OSBPL3: variants seen among roughly 807,000 people sequenced by gnomAD.
OSBPL3 encodes the protein oxysterol-binding protein-related protein 3.
In OSBPL3, 65 loss-of-function variants were observed where a neutral mutation model predicts 120.1. The observed-to-expected ratio is 0.54, with a 90% CI of 0.44 to 0.67. The LOEUF (loss-of-function observed/expected upper bound fraction) is 0.67, where lower values mean the gene tolerates loss of function less well. Among genes scored for constraint, OSBPL3 ranks in the 30% least tolerant of loss-of-function variants. The pLI, the probability that OSBPL3 is intolerant of heterozygous loss-of-function variation, is 0.00. For missense variants in OSBPL3, 1,004 were observed against 1,082.1 expected (o/e 0.93, Z 1.01); for synonymous variants, 416 against 402.6 (o/e 1.03, Z -0.40).
At position 24,896,312 on chromosome 7, in the gene OSBPL3, C is replaced by T. The variant is rs1350777654; in HGVS notation, c.-149-3691G>A. Reference sequence around the variant, plus strand: ...TGCACTTGTGTCAGTTCAAAAATGACGTTTGTGCCTCTAAGATGAGCTTCA... The same window carrying T: ...TGCACTTGTGTCAGTTCAAAAATGATGTTTGTGCCTCTAAGATGAGCTTCA... On this transcript the variant is annotated intron_variant, in intron 1 of 22. Coordinates refer to ENST00000313367, the MANE Select transcript of OSBPL3 (RefSeq NM_015550.4). This position sits in a 1 kb window ranked among gnomAD's most constrained non-coding sequence, Gnocchi z 4.4. 3.3e-5 allele frequency among the ~76,000 whole-genome samples: 5 copies of T among 152,192 alleles called. No homozygotes were observed. Among genetic ancestry groups the T allele is most frequent in the African/African-American group, 7.2e-5 (3 of 41,440 alleles).
At chr7:24,859,295 C>T (rs1364696205) in intron 10 of OSBPL3, among the ~76,000 whole-genome samples, 2 of 151,994 alleles carry the variant, frequency 1.3e-5, no homozygotes, top group African/African-American at 2.4e-5. Context: ...ACACACTGCC[C>T]TCCCACTGAA....
At position 24,939,623 on chromosome 7, in the gene OSBPL3, C is replaced by T. The variant is rs1313293556; in HGVS notation, c.-150+40263G>A. 6.6e-6 allele frequency among the ~76,000 whole-genome samples: 1 copy of T among 152,162 alleles called. No individual in the cohort carries two copies. Among genetic ancestry groups the T allele is most frequent in the African/African-American group, 2.4e-5 (1 of 41,436 alleles). ...TGAATTAAGCAACTCTGGAACTTCC[C>T]TAATTTTAGACTTTTTAAATGTAGT... On this transcript the variant is annotated intron_variant, in intron 1 of 22. Transcript: ENST00000313367. This position sits in a 1 kb window ranked among gnomAD's most constrained non-coding sequence, Gnocchi z 4.2.
chr7:24,921,246 T>C (rs112859643), intron 1 of OSBPL3, among the ~76,000 whole-genome samples: 176 of 151,952 alleles, frequency 1.2e-3, no homozygotes, highest in African/African-American at 4.1e-3. Context: ...AATACCACGA[T>C]GTAGGCTAAA....
At chr7:24,829,764 T>G (rs1446923423) in intron 16 of OSBPL3, among the ~76,000 whole-genome samples, 1 of 152,132 alleles carries the variant, frequency 6.6e-6, no homozygotes, top group East Asian at 1.9e-4. Context: ...TTTCTGCATA[T>G]CTTAGAGGTT....
chr7:24,800,137 C>T lies in OSBPL3; in HGVS notation c.*46G>A, dbSNP rs1254936557. 9.2e-7 allele frequency: 1 copy of T among 1,084,666 alleles called. No homozygotes were observed. The highest frequency in any genetic ancestry group is 1.5e-5 in the African/African-American group (1 of 64,706). The allele number at this position is 1,084,666 out of a possible 1,614,324, so 67.2% of individuals were successfully genotyped here. On this transcript the variant is annotated 3_prime_UTR_variant, in exon 23 of 23. Coordinates refer to ENST00000313367, the MANE Select transcript of OSBPL3 (RefSeq NM_015550.4). ...CACAGGTTTGTGCCACTTCAGAAGG[C>T]AAGCACAGGAGAAATACACTAATGT...
At chr7:24,914,504 T>C (rs1306568466) in intron 1 of OSBPL3, among the ~76,000 whole-genome samples, 2 of 152,164 alleles carry the variant, frequency 1.3e-5, no homozygotes, top group Non-Finnish European at 2.9e-5. Context: ...TTTTAGACCA[T>C]ACCATTCTAA....
rs1803969791 is a variant in OSBPL3 at position 24,883,127 on chromosome 7, C to G, written c.96+9250G>C. Among the ~76,000 whole-genome samples the G allele has an allele frequency of 6.6e-6, 1 of 152,130 alleles. No individual in the cohort carries two copies. The highest frequency in any genetic ancestry group is 2.1e-4 in the South Asian group (1 of 4,828). On this transcript the variant is annotated intron_variant, in intron 2 of 22. Transcript: ENST00000313367. This position sits in a 1 kb window ranked among gnomAD's most constrained non-coding sequence, Gnocchi z 5.4. ...TGATTCAGCTCACTACACAGGGCCC[C>G]AGGGACCACGGGGCCAAGATGTGCC... is the stretch of plus-strand genomic sequence containing the variant.
rs746053474 is a variant in OSBPL3 at position 24,852,898 on chromosome 7, G to A, written c.1028-264C>T. 6.6e-6 allele frequency among the ~76,000 whole-genome samples: 1 copy of A among 152,160 alleles called. No individual in the cohort carries two copies. Among genetic ancestry groups the A allele is most frequent in the Non-Finnish European group, 1.5e-5 (1 of 68,030 alleles). ...ATGCAGTACTCTGGTGTGGGATGCT[G>A]ATGGCGGGGGGACGGTGCCTACATG... On this transcript the variant is annotated intron_variant, in intron 10 of 22. Coordinates refer to ENST00000313367, the MANE Select transcript of OSBPL3 (RefSeq NM_015550.4). This position sits in a 1 kb window ranked among gnomAD's most constrained non-coding sequence, Gnocchi z 4.1.
chr7:24,909,637 T>G (rs1808480239), intron 1 of OSBPL3, among the ~76,000 whole-genome samples: 1 of 152,096 alleles, frequency 6.6e-6, no homozygotes, highest in Non-Finnish European at 1.5e-5. Context: ...ATTAGGAACC[T>G]TAGGTCACCT....
In OSBPL3 at chr7:24,806,821, T is replaced by A. The variant is rs1337647883; in HGVS notation, c.2399A>T (p.Lys800Met). 6.2e-7 allele frequency: 1 copy of A among 1,614,024 alleles called. No individual in the cohort carries two copies. Among genetic ancestry groups the A allele is most frequent in the East Asian group, 2.2e-5 (1 of 44,882 alleles). ...AGTGTCAGTAGGTGGCAATAAAGACTTTGATGATGGATCCATTTCATTTAA... is the reference window on the plus strand; with the variant it reads ...AGTGTCAGTAGGTGGCAATAAAGACATTGATGATGGATCCATTTCATTTAA... ...LELNEMDPSS[K>M]SLLPPTDTRF... is the part of the protein sequence containing the mutation. The change falls in exon 21 of 23, where the codon AAG becomes ATG. Residue 800 changes from lysine to methionine, a missense_variant. Physicochemically the swap from Lys to Met is moderately conservative, Grantham distance 95. This residue lies in a region of OSBPL3 where 473 missense variants were observed against 568.0 expected (regional missense o/e 0.83). Coordinates refer to ENST00000313367, the MANE Select transcript of OSBPL3 (RefSeq NM_015550.4). The surrounding 1 kb of genome is among the most constrained non-coding windows in gnomAD (Gnocchi z 5.2).
rs1172613718 is a variant in OSBPL3 at position 24,917,394 on chromosome 7, TTTGTA to T, written c.-149-24778_-149-24774del. Reference sequence around the variant, plus strand: ...AGGATATTTGTAACATATATATATATTTGTAACATATATATATATATATATATATA... The same window carrying T: ...AGGATATTTGTAACATATATATATATACATATATATATATATATATATATA... On this transcript the variant is annotated intron_variant, in intron 1 of 22. Transcript: ENST00000313367. Among the ~76,000 whole-genome samples the T allele has an allele frequency of 5.7e-3, 524 of 92,652 alleles. 8 individuals carry two copies. The highest frequency in any genetic ancestry group is 0.033 in the Admixed American group (310 of 9,384). The allele number at this position is 92,652 out of a possible 152,430, so 60.8% of individuals were successfully genotyped here. A position where few individuals can be genotyped will look rare whatever the true frequency, so the allele number is the denominator to read the frequency against.
rs1792655543 is a variant in OSBPL3, at chr7:24,803,652, T to C, written c.2567+663A>G. 6.6e-6 allele frequency among the ~76,000 whole-genome samples: 1 copy of C among 152,040 alleles called. No individual in the cohort carries two copies. Among genetic ancestry groups the C allele is most frequent in the Non-Finnish European group, 1.5e-5 (1 of 68,000 alleles). ...CGGGCATGGTGGCACGCGCCTGTAG[T>C]CCCAGCTACTTAGGAGGCTGAGGCA... On this transcript the variant is annotated intron_variant, in intron 22 of 22. Transcript: ENST00000313367. This position sits in a 1 kb window ranked among gnomAD's most constrained non-coding sequence, Gnocchi z 4.2.
chr7:24,834,741 A>C lies in OSBPL3; in HGVS notation c.1496-5T>G, dbSNP rs752810633. ...GACCACTATCAAGGACAGGCCCTGA[A>C]AGGGAAAGAGGCCTGGTTGTCTCTA... On this transcript the variant is annotated splice_polypyrimidine_tract_variant and splice_region_variant and intron_variant, in intron 14 of 22. Coordinates refer to ENST00000313367, the MANE Select transcript of OSBPL3 (RefSeq NM_015550.4). This position sits in a 1 kb window ranked among gnomAD's most constrained non-coding sequence, Gnocchi z 5.2. 43 of 1,597,228 alleles carry C rather than the reference A, an allele frequency of 2.7e-5. No homozygotes were observed. The African/African-American group carries it at 5.5e-4, about 20-fold the overall frequency.
intron 2 of OSBPL3, among the ~76,000 whole-genome samples, chr7:24,885,576 A>C (rs1407510219): frequency 6.6e-6 from 1 of 152,236 alleles, no homozygotes; most frequent in Non-Finnish European, 1.5e-5. Context: ...AAACCCCTGC[A>C]ATCATGAGTG....
chr7:24,825,049 T>G (rs1197495151), intron 16 of OSBPL3, among the ~76,000 whole-genome samples: 1 of 152,186 alleles, frequency 6.6e-6, no homozygotes, highest in Non-Finnish European at 1.5e-5. Flanking sequence ...GAGGGCGTTG[T>G]GGACCATGGC....
intron 1 of OSBPL3, among the ~76,000 whole-genome samples, chr7:24,904,319 A>G (rs1807528385): frequency 1.3e-5 from 2 of 152,234 alleles, no homozygotes; most frequent in Admixed American, 6.5e-5. Context: ...TCTTTCAGTG[A>G]AAAGAAAATG....
chr7:24,860,482 G>A (rs939198588), intron 10 of OSBPL3, among the ~76,000 whole-genome samples: 112 of 152,200 alleles, frequency 7.4e-4, no homozygotes, highest in African/African-American at 2.0e-3. Context: ...TTTATAAGGG[G>A]TTTCCCTTTT....
intron 12 of OSBPL3, among the ~76,000 whole-genome samples, chr7:24,848,628 A>T (rs1165191341): frequency 1.3e-5 from 2 of 152,146 alleles, no homozygotes; most frequent in Non-Finnish European, 2.9e-5. Context: ...AGAAAAAGAA[A>T]ATCACAGAAA....
At chr7:24,875,297 G>A (rs1802691753) in intron 2 of OSBPL3, among the ~76,000 whole-genome samples, 1 of 152,168 alleles carries the variant, frequency 6.6e-6, no homozygotes, top group Non-Finnish European at 1.5e-5. Flanking sequence ...CTATTTTAGA[G>A]AACGATATTG....
Sources: gnomAD v4.1 joint callset for allele counts (sites outside exome capture counted in the v4.1 genomes callset) on GRCh38, gnomAD v4.1.1 for gene constraint, gnomAD v4.1.1 regional missense constraint, Gnocchi (gnomAD v3.1) non-coding constraint, MANE v1.5 for transcripts, NCBI Gene and HGNC (gene_info 2026-07-23, HGNC 2026-07-21) for gene names.